MLLT10: variants seen among roughly 807,000 people sequenced by gnomAD.
The protein encoded by MLLT10 is protein AF-10.
Under a neutral mutation model 129.1 loss-of-function variants are expected in MLLT10, and 30 were observed. The ratio of observed to expected loss-of-function variants is 0.23; its 90% CI spans 0.17 to 0.32. The LOEUF (loss-of-function observed/expected upper bound fraction) is 0.32, where lower values mean the gene tolerates loss of function less well. MLLT10 is among the 10% of genes least tolerant of loss of function. The pLI is 1.00. For missense variants in MLLT10, 1,119 were observed against 1,268.3 expected (o/e 0.88, Z 1.79); for synonymous variants, 490 against 446.4 (o/e 1.10, Z -1.23).
intron 14 of MLLT10, among the ~76,000 whole-genome samples, chr10:21,718,339 CA>C (rs1177757928): frequency 6.6e-6 from 1 of 152,076 alleles, no homozygotes; most frequent in Non-Finnish European, 1.5e-5. Context: ...AATCATGGAT[CA>C]GGGTAGAGGT....
intron 3 of MLLT10, among the ~76,000 whole-genome samples, chr10:21,539,816 C>T (rs981459341): frequency 1.5e-4 from 23 of 151,660 alleles, no homozygotes; most frequent in Non-Finnish European, 2.6e-4. Context: ...CGTGGTGGCA[C>T]GCCCTATAAT....
intron 8 of MLLT10, among the ~76,000 whole-genome samples, chr10:21,617,491 T>C (rs2045378673): frequency 6.6e-6 from 1 of 152,200 alleles, no homozygotes; most frequent in African/African-American, 2.4e-5. Flanking sequence ...TTTAGGTGAC[T>C]TCAGCAATAA....
At chr10:21,588,031 C>T (rs542034710) in intron 4 of MLLT10, among the ~76,000 whole-genome samples, 1 of 152,136 alleles carries the variant, frequency 6.6e-6, no homozygotes, top group East Asian at 1.9e-4. Flanking sequence ...TTTCACTGAA[C>T]AATTTATCTG....
intron 9 of MLLT10, among the ~76,000 whole-genome samples, chr10:21,664,944 C>CTTT (rs146373535): frequency 6.7e-5 from 8 of 119,386 alleles, no homozygotes; most frequent in African/African-American, 1.0e-4. Flanking sequence ...TTTTTCTTTT[C>CTTT]TTTTTTTTTT....
intron 10 of MLLT10, among the ~76,000 whole-genome samples, 199 bp from the exon 11 acceptor site, chr10:21,673,151 C>T (rs2051651416): frequency 6.6e-6 from 1 of 151,992 alleles, no homozygotes; most frequent in Non-Finnish European, 1.5e-5. Context: ...TATAAAATGA[C>T]ACATGTTTTT....
intron 13 of MLLT10, among the ~76,000 whole-genome samples, chr10:21,690,688 CCTGT>C (rs1282608371): frequency 4.6e-5 from 7 of 151,974 alleles, no homozygotes; most frequent in African/African-American, 7.2e-5. Flanking sequence ...TTTGTGCCTG[CCTGT>C]CTGTCATTTT....
At chr10:21,720,649 C>G (rs933890185) in intron 14 of MLLT10, among the ~76,000 whole-genome samples, 1 of 152,142 alleles carries the variant, frequency 6.6e-6, no homozygotes, top group South Asian at 2.1e-4. Context: ...TAGTTTAAAA[C>G]ATTACTGCAT....
chr10:21,544,787 A>AG (rs2035807378), intron 3 of MLLT10, among the ~76,000 whole-genome samples: 1 of 152,206 alleles, frequency 6.6e-6, no homozygotes, highest in Non-Finnish European at 1.5e-5. Context: ...TAGTAGAGGA[A>AG]GGAGAGCAAG....
In MLLT10 at chr10:21,568,040, A is replaced by G. The variant is rs1020752361; in HGVS notation, c.241-18254A>G. On this transcript the variant is annotated intron_variant, in intron 3 of 22. Coordinates refer to ENST00000307729, the MANE Select transcript of MLLT10 (RefSeq NM_001195626.3). ...GCCATGTTGGCCAGGCTGGTCTCCAACTCCTGACCTCTGGTGATCCACCCG... is the reference window on the plus strand; with the variant it reads ...GCCATGTTGGCCAGGCTGGTCTCCAGCTCCTGACCTCTGGTGATCCACCCG... 2.4e-4 allele frequency among the ~76,000 whole-genome samples: 36 copies of G among 151,456 alleles called. 1 individual carries two copies. The highest frequency in any genetic ancestry group is 1.9e-3 in the Admixed American group (29 of 15,214).
At chr10:21,555,738 G>T (rs1032274220) in intron 3 of MLLT10, among the ~76,000 whole-genome samples, 2 of 150,174 alleles carry the variant, frequency 1.3e-5, no homozygotes, top group Non-Finnish European at 3.0e-5. Flanking sequence ...TGTGATCTTG[G>T]GTCGCCACAA....
intron 3 of MLLT10, among the ~76,000 whole-genome samples, chr10:21,569,115 A>G (rs776647923): frequency 6.6e-6 from 1 of 152,164 alleles, no homozygotes; most frequent in Non-Finnish European, 1.5e-5. Context: ...ATCTTGGTGA[A>G]TGTTCCAAAT....
intron 21 of MLLT10, among the ~76,000 whole-genome samples, chr10:21,738,979 T>C (rs1226183951): frequency 1.3e-5 from 2 of 152,154 alleles, no homozygotes; most frequent in Non-Finnish European, 2.9e-5. Context: ...GTAGCTCCGC[T>C]GGCATATCTT....
chr10:21,740,495 G>A (rs1474324381), intron 22 of MLLT10, among the ~76,000 whole-genome samples: 1 of 152,186 alleles, frequency 6.6e-6, no homozygotes, highest in Non-Finnish European at 1.5e-5. Context: ...CAAGTCATAT[G>A]GGACAATCAA....
At position 21,717,906 on chromosome 10, in the gene MLLT10, CCTCCTT is replaced by C. The variant is rs574950323; in HGVS notation, c.1878+3971_1878+3976del. 1.5e-3 allele frequency among the ~76,000 whole-genome samples: 212 copies of C among 143,782 alleles called. 1 individual carries two copies. Among genetic ancestry groups the C allele is most frequent in the African/African-American group, 4.0e-3 (149 of 36,858 alleles). The allele number at this position is 143,782 out of a possible 152,430, so 94.3% of individuals were successfully genotyped here. Reference sequence around the variant, plus strand: ...TCCTCCTTCTCCTCCTCCTCCTCCTCCTCCTTCTCCTTCTCCTTCTTCTTCTCCTTC... The same window carrying C: ...TCCTCCTTCTCCTCCTCCTCCTCCTCCTCCTTCTCCTTCTTCTTCTCCTTC... On this transcript the variant is annotated intron_variant, in intron 14 of 22. Coordinates refer to ENST00000307729, the MANE Select transcript of MLLT10 (RefSeq NM_001195626.3).
chr10:21,625,173 C>T (rs1420203321), intron 8 of MLLT10: 131 of 1,436,462 alleles, frequency 9.1e-5, no homozygotes, highest in Non-Finnish European at 1.2e-4. Context: ...TGATAATCTT[C>T]ATATGCAGTG....
intron 13 of MLLT10, chr10:21,708,795 G>C: frequency 2.1e-6 from 2 of 948,482 alleles, no homozygotes; most frequent in Non-Finnish European, 2.5e-6. Flanking sequence ...AACTTTCAAA[G>C]TGTAGTAGAG....
chr10:21,718,883 C>T (rs893344075), intron 14 of MLLT10, among the ~76,000 whole-genome samples: 6 of 152,190 alleles, frequency 3.9e-5, no homozygotes, highest in African/African-American at 1.4e-4. Context: ...ACCACCACGC[C>T]TGGCTAATTT....
At chr10:21,663,198 T>TCC (rs763671496) in intron 9 of MLLT10, among the ~76,000 whole-genome samples, 16 of 152,074 alleles carry the variant, frequency 1.1e-4, no homozygotes, top group Non-Finnish European at 1.9e-4. Context: ...AGTGTGAGGG[T>TCC]CCCCCAAGAC....
intron 6 of MLLT10, among the ~76,000 whole-genome samples, 182 bp downstream of exon 6, chr10:21,612,633 T>A (rs1400906152): frequency 6.6e-6 from 1 of 152,158 alleles, no homozygotes; most frequent in African/African-American, 2.4e-5. Context: ...TTTACCAGAG[T>A]GATTTTGCAA....
Sources: gnomAD v4.1 joint callset for allele counts (sites outside exome capture counted in the v4.1 genomes callset) on GRCh38, gnomAD v4.1.1 for gene constraint, MANE v1.5 for transcripts, NCBI Gene and HGNC (gene_info 2026-07-23, HGNC 2026-07-21) for gene names.